Variants in PAK5 observed in about 807,000 individuals in gnomAD.
PAK5 encodes serine/threonine-protein kinase PAK 5.
A neutral mutation model predicts 65.9 loss-of-function variants in PAK5; 16 were observed. The ratio of observed to expected loss-of-function variants is 0.24; its 90% CI spans 0.16 to 0.37. PAK5 has a LOEUF of 0.37. PAK5 is among the 10% of genes least tolerant of loss of function. The pLI is 1.00. For synonymous variants in PAK5, 371 were observed against 354.9 expected (o/e 1.05, Z -0.51); for missense variants, 785 against 903.9 (o/e 0.87, Z 1.69).
intron 1 of PAK5, among the ~76,000 whole-genome samples, chr20:9,803,489 A>G (rs1744478882): frequency 6.6e-6 from 1 of 152,196 alleles, no homozygotes; most frequent in Non-Finnish European, 1.5e-5. Context: ...TTTATATGCA[A>G]ATAATTGGAA....
Position 9,630,264 on chromosome 20 carries a change from CTGAG to C in PAK5, c.204+13857_204+13860del, listed in dbSNP as rs561147006. ...AGGAAAGCATGCACTAGGGAAAAGT[CTGAG>C]TGAGACTGTAGAGCTCTTTGTTAGA... On this transcript the variant is annotated intron_variant, in intron 3 of 9. Coordinates refer to ENST00000353224, the MANE Select transcript of PAK5 (RefSeq NM_177990.4). Among the ~76,000 whole-genome samples the C allele has an allele frequency of 2.2e-3, 340 of 152,284 alleles. 1 individual carries two copies. The highest frequency in any genetic ancestry group is 4.2e-3 in the Non-Finnish European group (289 of 68,022).
intron 7 of PAK5, among the ~76,000 whole-genome samples, chr20:9,552,924 AAT>A (rs1373885459): frequency 6.6e-6 from 1 of 151,952 alleles, no homozygotes; most frequent in Non-Finnish European, 1.5e-5. Context: ...ATGGGACTTC[AAT>A]ATGTTTCCCA....
intron 1 of PAK5, among the ~76,000 whole-genome samples, chr20:9,805,332 A>G (rs1011394942): frequency 8.5e-5 from 13 of 152,204 alleles, no homozygotes; most frequent in African/African-American, 2.9e-4. Flanking sequence ...AAAATTAAAC[A>G]TAAAACTACC....
At chr20:9,804,589 G>A (rs1385468306) in intron 1 of PAK5, among the ~76,000 whole-genome samples, 1 of 152,176 alleles carries the variant, frequency 6.6e-6, no homozygotes. Context: ...AGACCTAAAT[G>A]TAAAAGCTAA....
At chr20:9,633,573 A>C (rs2046949007) in intron 3 of PAK5, among the ~76,000 whole-genome samples, 1 of 152,184 alleles carries the variant, frequency 6.6e-6, no homozygotes, top group Non-Finnish European at 1.5e-5. Context: ...GATACTCTTG[A>C]TTTTGGTCAG....
intron 6 of PAK5, among the ~76,000 whole-genome samples, 186 bp downstream of exon 6, chr20:9,562,705 C>T (rs953170875): frequency 3.9e-5 from 6 of 152,146 alleles, no homozygotes; most frequent in African/African-American, 1.4e-4. Flanking sequence ...GGAGAACATT[C>T]ACCAAATGAA....
chr20:9,696,471 C>T (rs893136001), intron 2 of PAK5, among the ~76,000 whole-genome samples: 12 of 152,028 alleles, frequency 7.9e-5, no homozygotes, highest in African/African-American at 2.9e-4. Flanking sequence ...GAAGCAGAAG[C>T]ATTTTGGGGG....
At chr20:9,692,208 C>G (rs929935830) in intron 2 of PAK5, among the ~76,000 whole-genome samples, 1 of 152,194 alleles carries the variant, frequency 6.6e-6, no homozygotes, top group Admixed American at 6.5e-5. Context: ...CCTGTTTCAT[C>G]AGTATCGCTT....
Position 9,542,609 on chromosome 20 carries a change from G to A in PAK5, c.1981C>T (p.Pro661Ser). ...ACCTTGTGTAGGTCCTTCACTCTTGGAGGTAAACTGTCCCGGATCCTCCGC... is the reference window on the plus strand; with the variant it reads ...ACCTTGTGTAGGTCCTTCACTCTTGAAGGTAAACTGTCCCGGATCCTCCGC... ...AMRRIRDSLP[P>S]RVKDLHKVSS... Residue 661 changes from proline to serine, a missense_variant, in exon 9 of 10, where the codon CCA becomes TCA. Pro to Ser is a moderately conservative substitution (Grantham distance 74, BLOSUM62 -1). Coordinates refer to ENST00000353224, the MANE Select transcript of PAK5 (RefSeq NM_177990.4). The A allele has an allele frequency of 6.2e-7, 1 of 1,613,976 alleles. No homozygotes were observed. Among genetic ancestry groups the A allele is most frequent in the Non-Finnish European group, 8.5e-7 (1 of 1,179,974 alleles).
intron 1 of PAK5, among the ~76,000 whole-genome samples, chr20:9,788,418 C>T (rs2049015710): frequency 6.6e-6 from 1 of 151,974 alleles, no homozygotes; most frequent in African/African-American, 2.4e-5. Context: ...TGAAATCCAT[C>T]CCCGTTACCA....
At chr20:9,680,643 T>C (rs1406319534) in intron 2 of PAK5, among the ~76,000 whole-genome samples, 1 of 152,164 alleles carries the variant, frequency 6.6e-6, no homozygotes, top group Non-Finnish European at 1.5e-5. Context: ...GCCCTGAGCA[T>C]GTTTCTGTGA....
At chr20:9,824,135 A>G (rs1456256226) in intron 1 of PAK5, among the ~76,000 whole-genome samples, 1 of 152,228 alleles carries the variant, frequency 6.6e-6, no homozygotes, top group Non-Finnish European at 1.5e-5. Flanking sequence ...CTATAACCAA[A>G]CAAAAAACTG....
At chr20:9,765,747 G>C (rs2048749871) in intron 1 of PAK5, among the ~76,000 whole-genome samples, 1 of 152,034 alleles carries the variant, frequency 6.6e-6, no homozygotes, top group Non-Finnish European at 1.5e-5. Flanking sequence ...TCTTTCCCAG[G>C]TTCTACTGCA....
At chr20:9,737,741 A>G (rs965538037) in intron 1 of PAK5, among the ~76,000 whole-genome samples, 1 of 152,252 alleles carries the variant, frequency 6.6e-6, no homozygotes, top group African/African-American at 2.4e-5. Flanking sequence ...TTTCCATATC[A>G]TTAGTCATTA....
At chr20:9,557,826 C>G (rs1000309476) in intron 6 of PAK5, 92 bp from the exon 7 acceptor site, 29 of 978,924 alleles carry the variant, frequency 3.0e-5, no homozygotes, top group Non-Finnish European at 3.9e-5. Flanking sequence ...TTTAGTGAAA[C>G]AGTCCACGTG....
intron 7 of PAK5, among the ~76,000 whole-genome samples, chr20:9,550,401 G>T (rs2045408679): frequency 6.6e-6 from 1 of 152,118 alleles, no homozygotes; most frequent in African/African-American, 2.4e-5. Context: ...GCAGGGAGGA[G>T]AAAGGAACAA....
At position 9,580,764 on chromosome 20, in the gene PAK5, C is replaced by T. The variant is rs1391111809; in HGVS notation, c.371G>A (p.Gly124Asp). The T allele has an allele frequency of 1.9e-6, 3 of 1,613,704 alleles. No homozygotes were observed. Among genetic ancestry groups the T allele is most frequent in the African/African-American group, 2.7e-5 (2 of 74,772 alleles). The change falls in exon 4 of 10, where the codon GGC becomes GAC. Residue 124 changes from glycine (G) to aspartate (D), a missense_variant. Coordinates refer to ENST00000353224, the MANE Select transcript of PAK5 (RefSeq NM_177990.4). Reference protein sequence around the residue: ...SHGPGHAEENGFITFSQYSSE... With the variant: ...SHGPGHAEENDFITFSQYSSE... ...GGAATACTGGGAGAAGGTGATGAAG[C>T]CATTTTCTTCCGCGTGGCCTGGACC...
chr20:9,581,834 A>C (rs2045985689), intron 3 of PAK5, among the ~76,000 whole-genome samples: 1 of 152,194 alleles, frequency 6.6e-6, no homozygotes, highest in Non-Finnish European at 1.5e-5. Context: ...ACAAAGAACA[A>C]AGTGTTGTGA....
At chr20:9,766,448 A>G (rs1366782491) in intron 1 of PAK5, among the ~76,000 whole-genome samples, 1 of 76,574 alleles carries the variant, frequency 1.3e-5, no homozygotes, top group Non-Finnish European at 2.4e-5. Flanking sequence ...ATATATATGT[A>G]TATATATATT....
Sources: gnomAD v4.1 joint callset for allele counts (sites outside exome capture counted in the v4.1 genomes callset) on GRCh38, gnomAD v4.1.1 for gene constraint, MANE v1.5 for transcripts, NCBI Gene and HGNC (gene_info 2026-07-23, HGNC 2026-07-21) for gene names.